Variants in COL18A1 observed in about 807,000 individuals in gnomAD.
COL18A1 encodes collagen alpha-1(XVIII) chain.
A neutral mutation model predicts 168.0 loss-of-function variants in COL18A1; 133 were observed. That is an observed-to-expected ratio of 0.79 (90% CI 0.69 to 0.91). The LOEUF (loss-of-function observed/expected upper bound fraction) is 0.91, where lower values mean the gene tolerates loss of function less well. Among genes scored for constraint, COL18A1 ranks in the 40% least tolerant of loss-of-function variants. The probability of loss-of-function intolerance (pLI) is 0.00; values close to 1 mark genes in which losing one functional copy is unlikely to be tolerated. For missense variants in COL18A1, 2,126 were observed against 1,925.4 expected (o/e 1.10, Z -1.95); for synonymous variants, 949 against 809.0 (o/e 1.17, Z -2.94).
At chr21:45,442,576 G>C (rs2034397583) in intron 2 of COL18A1, among the ~76,000 whole-genome samples, 1 of 152,260 alleles carries the variant, frequency 6.6e-6, no homozygotes, top group Admixed American at 6.5e-5. Context: ...CCCAAGAGTG[G>C]CAGTCCTGGT....
rs1288224671 is a variant in COL18A1 at position 45,477,849 on chromosome 21, C to A, written c.1105C>A (p.Pro369Thr). Reference sequence around the variant, plus strand: ...ATGCCTACCTGGTCCCCCGGGTCTCCCGTGCCCAGTGAGTCCCCTGGGTCC... The same window carrying A: ...ATGCCTACCTGGTCCCCCGGGTCTCACGTGCCCAGTGAGTCCCCTGGGTCC... Reference protein sequence around the residue: ...SPCLPGPPGLPCPVSPLGPAG... With the variant: ...SPCLPGPPGLTCPVSPLGPAG... The change falls in exon 8 of 42, where the codon CCG becomes ACG. Residue 369 changes from proline to threonine, a missense_variant. Transcript: ENST00000651438. 1.3e-6 allele frequency: 2 copies of A among 1,553,714 alleles called. No individual in the cohort carries two copies. The highest frequency in any genetic ancestry group is 1.7e-6 in the Non-Finnish European group (2 of 1,148,546).
At chr21:45,434,792 C>T (rs1326429611) in intron 2 of COL18A1, among the ~76,000 whole-genome samples, 1 of 152,200 alleles carries the variant, frequency 6.6e-6, no homozygotes, top group African/African-American at 2.4e-5. Flanking sequence ...TGGGTTGCAG[C>T]CCCCAGAGCC....
In COL18A1 at chr21:45,480,096, G is replaced by GCCCCCAGGA. The variant is rs775305174; in HGVS notation, c.1343_1351dup (p.Pro448_Pro450dup). 2,083 of 1,608,150 alleles carry GCCCCCAGGA rather than the reference G, an allele frequency of 1.3e-3. No individual in the cohort carries two copies. The highest frequency in any genetic ancestry group is 1.6e-3 in the Non-Finnish European group (1,927 of 1,174,926). ...GAGACCCTGGGGTTGGAGAGAGAGG[G>GCCCCCAGGA]CCCCCAGGACCCCAAGGGCCTCCAG... is the stretch of plus-strand genomic sequence containing the variant. On this transcript the variant is annotated inframe_insertion, in exon 11 of 42. Transcript: ENST00000651438.
At chr21:45,482,114 G>T in intron 14 of COL18A1, 89 bp downstream of exon 14, 1 of 1,026,540 alleles carries the variant, frequency 9.7e-7, no homozygotes, top group South Asian at 1.3e-5. Flanking sequence ...GCCCGTGAAG[G>T]GGAAATGCCA....
intron 2 of COL18A1, among the ~76,000 whole-genome samples, chr21:45,452,754 G>A (rs540734167): frequency 6.7e-6 from 1 of 150,350 alleles, no homozygotes; most frequent in African/African-American, 2.5e-5. Flanking sequence ...ACGTGTGATT[G>A]TGTATGCATG....
intron 2 of COL18A1, among the ~76,000 whole-genome samples, chr21:45,459,243 C>T (rs147186129): frequency 0.023 from 3,531 of 152,292 alleles, 59 homozygotes; most frequent in Middle Eastern, 0.058. Context: ...CAACTCCTGC[C>T]GGACCCCTAT....
At position 45,489,369 on chromosome 21, in the gene COL18A1, G is replaced by A. The variant is rs1046759471; in HGVS notation, c.1924-117G>A. On this transcript the variant is annotated intron_variant, in intron 18 of 41. Transcript: ENST00000651438. ...CCTGGGACCCCTCGGCTCTGGGCTG[G>A]GGGAGGGCGGTGAGATGCATCCTGG... is the stretch of plus-strand genomic sequence containing the variant. 3 of 805,592 alleles carry A rather than the reference G, an allele frequency of 3.7e-6. No individual in the cohort carries two copies. In the South Asian group the frequency reaches 4.3e-5, roughly 12 times the overall value. The allele number at this position is 805,592 out of a possible 1,614,324, so 49.9% of individuals were successfully genotyped here. A position where few individuals can be genotyped will look rare whatever the true frequency, so the allele number is the denominator to read the frequency against.
chr21:45,498,921 T>G lies in COL18A1; in HGVS notation c.2683+1260T>G, dbSNP rs1194531824. Among the ~76,000 whole-genome samples, 1 of 152,136 alleles carries G rather than the reference T, an allele frequency of 6.6e-6. No homozygotes were observed. The highest frequency in any genetic ancestry group is 1.5e-5 in the Non-Finnish European group (1 of 68,014). ...GGCTGAAGGCGGAACAGTTGGAGAT[T>G]GAGACCTGTGTATAGGTTTTGGTCG... On this transcript the variant is annotated intron_variant, in intron 32 of 41. Coordinates refer to ENST00000651438, the MANE Select transcript of COL18A1 (RefSeq NM_001379500.1). The surrounding 1 kb of genome is among the most constrained non-coding windows in gnomAD (Gnocchi z 4.5).
At chr21:45,415,354 C>T (rs988707352) in intron 2 of COL18A1, among the ~76,000 whole-genome samples, 35 of 152,286 alleles carry the variant, frequency 2.3e-4, no homozygotes, top group Middle Eastern at 3.4e-3. Flanking sequence ...CCTCGGCCTT[C>T]GGAATCTCCT....
intron 32 of COL18A1, among the ~76,000 whole-genome samples, chr21:45,499,767 AGGCAGGAG>A (rs975582595): frequency 2.6e-5 from 4 of 152,206 alleles, no homozygotes; most frequent in African/African-American, 9.7e-5. Flanking sequence ...ACTGGTGGAG[AGGCAGGAG>A]GGCAGGCAGG....
At chr21:45,417,463 G>A (rs993677498) in intron 2 of COL18A1, among the ~76,000 whole-genome samples, 53 of 152,264 alleles carry the variant, frequency 3.5e-4, no homozygotes, top group African/African-American at 1.1e-3. Context: ...CCTGTCCTGC[G>A]GTCTGTGGCT....
intron 15 of COL18A1, among the ~76,000 whole-genome samples, chr21:45,486,401 G>C (rs11089007): frequency 6.9e-4 from 58 of 83,854 alleles, no homozygotes; most frequent in Admixed American, 1.2e-3. Context: ...CCCCTCGCCT[G>C]CCCGGGAGCC....
At chr21:45,510,009 CT>C (rs2037480848) in intron 39 of COL18A1, 54 bp from the exon 40 acceptor site, 1 of 1,525,596 alleles carries the variant, frequency 6.6e-7, no homozygotes, top group Non-Finnish European at 8.8e-7. Flanking sequence ...CGCCCGGGGC[CT>C]GGGTGCAGGG....
chr21:45,495,969 C>G, intron 29 of COL18A1: 1 of 335,214 alleles, frequency 3.0e-6, no homozygotes, highest in Non-Finnish European at 5.9e-6. Context: ...TACATATACA[C>G]ATGCATACAC....
At chr21:45,413,664 G>A (rs747333484) in intron 2 of COL18A1, among the ~76,000 whole-genome samples, 2 of 152,198 alleles carry the variant, frequency 1.3e-5, no homozygotes, top group African/African-American at 2.4e-5. Context: ...AGAAGGAAGC[G>A]TCCATGGATC....
At position 45,436,606 on chromosome 21, in the gene COL18A1, C is replaced by T. The variant is rs573842550; in HGVS notation, c.106+31133C>T. 3.7e-5 allele frequency among the ~76,000 whole-genome samples: 5 copies of T among 134,018 alleles called. 1 individual carries two copies. Among genetic ancestry groups the T allele is most frequent in the South Asian group, 2.7e-4 (1 of 3,716 alleles). 87.9% of individuals were successfully genotyped at this position (134,018 alleles called of 152,430 possible). A position where few individuals can be genotyped will look rare whatever the true frequency, so the allele number is the denominator to read the frequency against. On this transcript the variant is annotated intron_variant, in intron 2 of 41. Coordinates refer to ENST00000651438, the MANE Select transcript of COL18A1 (RefSeq NM_001379500.1). ...GGGAGGGGACCATGGGACTGGATGG[C>T]GGGAAAGTGCCCCACCCCTGCAGCC...
intron 38 of COL18A1, among the ~76,000 whole-genome samples, chr21:45,508,446 G>GGTGGATGGATGGTGGGTAAGTGT (rs1450215920): frequency 6.7e-6 from 1 of 150,314 alleles, no homozygotes; most frequent in Non-Finnish European, 1.5e-5. Flanking sequence ...TGGGTAAGTG[G>GGTGGATGGATGGTGGGTAAGTGT]GTGAGTGGAT....
intron 2 of COL18A1, among the ~76,000 whole-genome samples, chr21:45,430,614 G>A (rs953496993): frequency 1.3e-5 from 2 of 152,210 alleles, no homozygotes; most frequent in African/African-American, 2.4e-5. Context: ...GATGGAGCGC[G>A]TGGGTGGCTG....
intron 32 of COL18A1, among the ~76,000 whole-genome samples, chr21:45,502,170 A>G (rs935201037): frequency 3.3e-5 from 5 of 152,244 alleles, no homozygotes; most frequent in African/African-American, 1.2e-4. Flanking sequence ...AGCAGCAGTG[A>G]CCTCCAACCC....
Sources: gnomAD v4.1 joint callset for allele counts (sites outside exome capture counted in the v4.1 genomes callset) on GRCh38, gnomAD v4.1.1 for gene constraint, Gnocchi (gnomAD v3.1) non-coding constraint, MANE v1.5 for transcripts, NCBI Gene and HGNC (gene_info 2026-07-23, HGNC 2026-07-21) for gene names.